The following SRFBP1 variants were observed in gnomAD, a reference collection of about 807,000 sequenced individuals.
SRFBP1 encodes the protein serum response factor binding protein 1, also known as serum response factor-binding protein 1.
Under a neutral mutation model 45.5 loss-of-function variants are expected in SRFBP1, and 47 were observed. The observed-to-expected ratio is 1.03, with a 90% CI of 0.82 to 1.32. The LOEUF is 1.32. SRFBP1 is among the 40% of genes most tolerant of loss of function. The pLI, the probability that SRFBP1 is intolerant of heterozygous loss-of-function variation, is 0.00. For synonymous variants in SRFBP1, 203 were observed against 166.3 expected, an observed-to-expected ratio of 1.22 and a Z score of -1.70; for missense variants, 621 against 484.6, an observed-to-expected ratio of 1.28 and a Z score of -2.64.
At chr5:121,970,044 T>C (rs1320341819) in intron 1 of SRFBP1, among the ~76,000 whole-genome samples, 1 of 152,090 alleles carries the variant, frequency 6.6e-6, no homozygotes, top group Non-Finnish European at 1.5e-5. Context: ...CTGGCAGTAT[T>C]GGTGTGTTAG....
chr5:121,994,400 A>C (rs1206975781), intron 3 of SRFBP1, among the ~76,000 whole-genome samples, 199 bp from the exon 4 acceptor site: 2 of 151,922 alleles, frequency 1.3e-5, no homozygotes, highest in Non-Finnish European at 2.9e-5. Context: ...TTTTCTTTTA[A>C]TAGGCACATT....
intron 2 of SRFBP1, 73 bp downstream of exon 2, chr5:121,974,357 GT>G: frequency 1.9e-6 from 2 of 1,071,446 alleles, no homozygotes; most frequent in Non-Finnish European, 2.8e-6. Context: ...ACTTTAAAAT[GT>G]TTAGGGTGGG....
At chr5:121,968,091 T>G (rs368741679) in intron 1 of SRFBP1, among the ~76,000 whole-genome samples, 1 of 152,130 alleles carries the variant, frequency 6.6e-6, no homozygotes, top group African/African-American at 2.4e-5. Context: ...TGTATAGTAT[T>G]GTGTTGTATA....
At chr5:121,974,348 C>A in intron 2 of SRFBP1, 64 bp downstream of exon 2, 1 of 1,197,518 alleles carries the variant, frequency 8.4e-7, no homozygotes, top group Non-Finnish European at 1.2e-6. Context: ...TTATTTGATA[C>A]TTTAAAATGT....
downstream of SRFBP1, chr5:122,077,851 C>T (rs577482351): frequency 6.5e-7 from 1 of 1,544,662 alleles, no homozygotes; most frequent in Non-Finnish European, 8.7e-7. This position sits in a 1 kb window ranked among gnomAD's most constrained non-coding sequence, Gnocchi z 4.9. Flanking sequence ...CCCATTGGAT[C>T]TGCTGGCGCC....
chr5:122,059,220 A>G (rs1288245617), intron 2 of SRFBP1, among the ~76,000 whole-genome samples: 2 of 152,116 alleles, frequency 1.3e-5, no homozygotes, highest in Admixed American at 1.3e-4. Flanking sequence ...AAACTCTGAA[A>G]GAATAACAGG....
chr5:122,013,264 C>T (rs1753131518), intron 4 of SRFBP1, among the ~76,000 whole-genome samples: 1 of 152,072 alleles, frequency 6.6e-6, no homozygotes, highest in South Asian at 2.1e-4. Flanking sequence ...TTCAATATAA[C>T]AAGTAGTTCA....
rs920538131 is a variant in SRFBP1 at position 122,027,779 on chromosome 5, A to G, written c.*653A>G. 1.3e-5 allele frequency: 2 copies of G among 152,174 alleles called. No individual in the cohort carries two copies. The highest frequency in any genetic ancestry group is 1.9e-4 in the East Asian group (1 of 5,204). The allele number at this position is 152,174 out of a possible 1,614,324, so 9.4% of individuals were successfully genotyped here. A position where few individuals can be genotyped will look rare whatever the true frequency, so the allele number is the denominator to read the frequency against. The stretch of plus-strand genomic sequence containing the variant: ...ATTATAGTTTTAAGTACTTGTGATC[A>G]TGTACTTTTTGATTCTAAAATAGTT... On this transcript the variant is annotated 3_prime_UTR_variant, in exon 8 of 8. Transcript: ENST00000339397.
At position 121,962,073 on chromosome 5, in the gene SRFBP1, G is replaced by T. The variant is rs373195514; in HGVS notation, c.36+5G>T. The T allele has an allele frequency of 6.2e-7, 1 of 1,614,056 alleles. No homozygotes were observed. The highest frequency in any genetic ancestry group is 8.5e-7 in the Non-Finnish European group (1 of 1,180,020). ...ACTCTGAACCTCAATAACGAGGTGA[G>T]CGCCGAGGAACCTATGGGGCTGACT... On this transcript the variant is annotated splice_donor_5th_base_variant and intron_variant, in intron 1 of 7. Transcript: ENST00000339397.
intron 4 of SRFBP1, among the ~76,000 whole-genome samples, chr5:122,015,318 A>C (rs1366116965): frequency 2.6e-5 from 4 of 152,210 alleles, no homozygotes; most frequent in African/African-American, 9.6e-5. Flanking sequence ...TTACTGCTAT[A>C]ATCTGTTGCT....
chr5:121,998,886 C>T (rs1430264172), intron 4 of SRFBP1, among the ~76,000 whole-genome samples: 2 of 152,150 alleles, frequency 1.3e-5, no homozygotes, highest in Non-Finnish European at 2.9e-5. Flanking sequence ...GGATTTTCTA[C>T]TCCTGCTTCT....
intron 2 of SRFBP1, among the ~76,000 whole-genome samples, chr5:122,046,763 A>T (rs553439926): frequency 1.3e-5 from 2 of 152,160 alleles, no homozygotes; most frequent in African/African-American, 4.8e-5. Context: ...ATGGTATCTC[A>T]TTGTGGTTTG....
At chr5:122,006,098 T>G (rs962242953) in intron 4 of SRFBP1, among the ~76,000 whole-genome samples, 23 of 152,214 alleles carry the variant, frequency 1.5e-4, no homozygotes, top group African/African-American at 5.5e-4. Flanking sequence ...GGTAATGAGC[T>G]CTCTCAGCTT....
In SRFBP1 at chr5:122,038,576, T is replaced by G. The variant is rs1001716835; in HGVS notation, n.311+16169T>G. On this transcript the variant is annotated intron_variant and non_coding_transcript_variant, in intron 2 of 2. Coordinates refer to the SRFBP1 transcript ENST00000504881. Reference sequence around the variant, plus strand: ...TCCAGTCCCAAGTGATAAGAGATTGTGTACAAAGATCCACTGAGACTCCTG... The same window carrying G: ...TCCAGTCCCAAGTGATAAGAGATTGGGTACAAAGATCCACTGAGACTCCTG... Among the ~76,000 whole-genome samples the G allele has an allele frequency of 2.6e-5, 4 of 152,296 alleles. No homozygotes were observed. In the East Asian group the frequency reaches 5.8e-4, roughly 22 times the overall value.
chr5:122,062,457 A>G (rs894373630), intron 2 of SRFBP1, among the ~76,000 whole-genome samples: 9 of 152,118 alleles, frequency 5.9e-5, no homozygotes, highest in Non-Finnish European at 1.2e-4. Context: ...ACACACCCCT[A>G]TCTTTGGTTA....
At chr5:122,052,784 T>A (rs1473811095) in intron 2 of SRFBP1, among the ~76,000 whole-genome samples, 1 of 152,232 alleles carries the variant, frequency 6.6e-6, no homozygotes, top group Non-Finnish European at 1.5e-5. Flanking sequence ...AGAACCTTGC[T>A]GGGCAAATAG....
intron 2 of SRFBP1, among the ~76,000 whole-genome samples, chr5:122,050,378 T>C (rs1372639767): frequency 6.6e-6 from 1 of 152,066 alleles, no homozygotes; most frequent in African/African-American, 2.4e-5. Flanking sequence ...GGTCTTGGGA[T>C]TTATTTGGTT....
intron 1 of SRFBP1, among the ~76,000 whole-genome samples, chr5:121,972,428 G>A (rs1047317733): frequency 1.3e-5 from 2 of 151,854 alleles, no homozygotes; most frequent in Non-Finnish European, 2.9e-5. Context: ...AGGCATTGTA[G>A]AGTGAACTGA....
chr5:122,033,898 A>G (rs865774572), intron 2 of SRFBP1, among the ~76,000 whole-genome samples: 5 of 134,654 alleles, frequency 3.7e-5, no homozygotes, highest in Middle Eastern at 4.7e-3. Flanking sequence ...ATCTCGGCTC[A>G]CTGCAGCCTC....
Sources: gnomAD v4.1 joint callset for allele counts (sites outside exome capture counted in the v4.1 genomes callset) on GRCh38, gnomAD v4.1.1 for gene constraint, Gnocchi (gnomAD v3.1) non-coding constraint, MANE v1.5 for transcripts, NCBI Gene and HGNC (gene_info 2026-07-23, HGNC 2026-07-21) for gene names.